Variants in KYNU observed in about 807,000 individuals in gnomAD.
KYNU encodes the protein kynureninase, also known as L-kynurenine hydrolase.
Under a neutral mutation model 59.2 loss-of-function variants are expected in KYNU, and 54 were observed. The observed-to-expected ratio is 0.91, with a 90% confidence interval of 0.73 to 1.14. The LOEUF (loss-of-function observed/expected upper bound fraction) is 1.14, where lower values mean the gene tolerates loss of function less well. KYNU is among the 50% of genes most tolerant of loss of function. The probability of loss-of-function intolerance (pLI) is 0.00; values close to 1 mark genes in which losing one functional copy is unlikely to be tolerated. For synonymous variants in KYNU, 177 were observed against 192.0 expected (o/e 0.92, Z 0.65); for missense variants, 567 against 554.4 (o/e 1.02, Z -0.23).
intron 4 of KYNU, among the ~76,000 whole-genome samples, chr2:142,930,344 T>C (rs1683169315): frequency 1.3e-5 from 2 of 152,334 alleles, no homozygotes; most frequent in South Asian, 4.1e-4. Context: ...CCTTGCCAAC[T>C]TGATGCTGCA....
intron 10 of KYNU, among the ~76,000 whole-genome samples, chr2:143,002,719 A>G (rs745730626): frequency 5.9e-5 from 9 of 152,104 alleles, no homozygotes; most frequent in Non-Finnish European, 1.2e-4. Flanking sequence ...ACATGTTGCT[A>G]TTTTTTTCAT....
At chr2:142,904,349 C>T (rs1435203035) in intron 2 of KYNU, among the ~76,000 whole-genome samples, 1 of 152,180 alleles carries the variant, frequency 6.6e-6, no homozygotes, top group Non-Finnish European at 1.5e-5. Flanking sequence ...TTCTGTGTCC[C>T]AATGAGGGTC....
chr2:142,922,869 T>C (rs1682927783), intron 3 of KYNU, among the ~76,000 whole-genome samples: 1 of 152,230 alleles, frequency 6.6e-6, no homozygotes, highest in African/African-American at 2.4e-5. Context: ...GTCTGGATAA[T>C]TTATAGAGAA....
At chr2:143,023,912 CAA>C (rs979782771) in intron 10 of KYNU, among the ~76,000 whole-genome samples, 5 of 151,218 alleles carry the variant, frequency 3.3e-5, no homozygotes, top group African/African-American at 1.2e-4. Context: ...ACATATTTGT[CAA>C]AGTAATAAAT....
At chr2:143,035,394 C>G (rs926245544) in intron 12 of KYNU, among the ~76,000 whole-genome samples, 8 of 152,310 alleles carry the variant, frequency 5.3e-5, no homozygotes, top group Admixed American at 2.6e-4. Flanking sequence ...GTTAATCAAG[C>G]CTTATGTTGG....
intron 8 of KYNU, among the ~76,000 whole-genome samples, chr2:142,963,135 A>G (rs1237789717): frequency 6.6e-6 from 1 of 152,222 alleles, no homozygotes. Flanking sequence ...GAAGAAACAG[A>G]AATTGTGAAA....
intron 1 of KYNU, among the ~76,000 whole-genome samples, chr2:142,881,917 T>C (rs1681313390): frequency 1.8e-5 from 1 of 56,698 alleles, no homozygotes; most frequent in African/African-American, 5.5e-5. Context: ...TTCTTTTTTC[T>C]TTTTTTTTTT....
In KYNU at chr2:142,989,451, C is replaced by T. The variant is rs541123479; in HGVS notation, c.902+3430C>T. On this transcript the variant is annotated intron_variant, in intron 10 of 13. Coordinates refer to ENST00000264170, the MANE Select transcript of KYNU (RefSeq NM_003937.3). ...GAACAAATGTAACTGCTATTGATGT[C>T]ACACTTTGTGAAGTAGTCTTTGTTG... is the stretch of plus-strand genomic sequence containing the variant. 8.5e-5 allele frequency: 84 copies of T among 984,546 alleles called. No homozygotes were observed. The African/African-American group carries it at 1.3e-3, about 16-fold the overall frequency. 61.0% of individuals were successfully genotyped at this position (984,546 alleles called of 1,614,324 possible).
At chr2:143,038,094 A>G (rs915310469) in intron 12 of KYNU, among the ~76,000 whole-genome samples, 5 of 152,200 alleles carry the variant, frequency 3.3e-5, no homozygotes, top group Admixed American at 6.5e-5. Context: ...TAAAAACTAA[A>G]TGCAAGTAAT....
chr2:142,927,301 T>C (rs1683073843), intron 3 of KYNU, among the ~76,000 whole-genome samples: 1 of 152,170 alleles, frequency 6.6e-6, no homozygotes, highest in Non-Finnish European at 1.5e-5. Context: ...AGTATGGAAG[T>C]TTTAGTATAG....
intron 11 of KYNU, among the ~76,000 whole-genome samples, chr2:143,032,270 T>G (rs1460040447): frequency 6.8e-6 from 1 of 147,556 alleles, no homozygotes; most frequent in East Asian, 2.0e-4. Context: ...AGAGCGAGAC[T>G]CCATCTCAAA....
chr2:142,951,271 A>G (rs1683981167), intron 4 of KYNU, among the ~76,000 whole-genome samples: 1 of 152,178 alleles, frequency 6.6e-6, no homozygotes, highest in Admixed American at 6.5e-5. Flanking sequence ...AACAAACAAA[A>G]GGCCAGGTGT....
rs1687163399 is a variant in KYNU, at chr2:143,046,229, G to A, written c.*4057G>A. 1 of 151,994 alleles carries A rather than the reference G, an allele frequency of 6.6e-6. No individual in the cohort carries two copies. The highest frequency in any genetic ancestry group is 2.4e-5 in the African/African-American group (1 of 41,382). The allele number at this position is 151,994 out of a possible 1,614,324, so 9.4% of individuals were successfully genotyped here. ...TTCTTTAAGTTTTACACCCATGTAT[G>A]TACCCATAAAAATCTATTAGCTAAT... On this transcript the variant is annotated 3_prime_UTR_variant, in exon 14 of 14. Coordinates refer to ENST00000264170, the MANE Select transcript of KYNU (RefSeq NM_003937.3).
chr2:142,972,803 T>G (rs1003003385), intron 8 of KYNU, among the ~76,000 whole-genome samples: 2 of 138,536 alleles, frequency 1.4e-5, no homozygotes, highest in African/African-American at 5.5e-5. Context: ...TATATATATA[T>G]ATATATATAT....
At chr2:142,932,546 A>G (rs1683257286) in intron 4 of KYNU, among the ~76,000 whole-genome samples, 1 of 152,166 alleles carries the variant, frequency 6.6e-6, no homozygotes. Context: ...TGAGAGAGCC[A>G]TTTATGACAG....
At chr2:142,914,946 A>C (rs1240185319) in intron 2 of KYNU, among the ~76,000 whole-genome samples, 1 of 152,186 alleles carries the variant, frequency 6.6e-6, no homozygotes, top group Non-Finnish European at 1.5e-5. Flanking sequence ...GCAGGCTCTA[A>C]GAGCCGGGGC....
Position 143,027,080 on chromosome 2 carries a change from CT to C in KYNU, c.903-2545del, listed in dbSNP as rs2104909845. The stretch of plus-strand genomic sequence containing the variant: ...TGGGCTGTGGTTTCAGGCTTTTCAG[CT>C]TGAGGGTAGGAATTCCTGGGGACCT... On this transcript the variant is annotated intron_variant, in intron 10 of 13. Transcript: ENST00000264170. Among the ~76,000 whole-genome samples the C allele has an allele frequency of 1.3e-5, 2 of 152,278 alleles. 1 individual carries two copies. Among genetic ancestry groups the C allele is most frequent in the Admixed American group, 1.3e-4 (2 of 15,302 alleles).
chr2:142,993,793 A>G (rs1685467787), intron 10 of KYNU, among the ~76,000 whole-genome samples: 1 of 152,070 alleles, frequency 6.6e-6, no homozygotes, highest in Non-Finnish European at 1.5e-5. Flanking sequence ...TAGATCTTAA[A>G]GAAAGCCAAA....
At position 142,906,719 on chromosome 2, in the gene KYNU, G is replaced by T. The variant is rs370311875; in HGVS notation, c.170-11890G>T. ...GGGGCTACACTTTCAAGAAAGTCATGGTTAGGACCCAAGAGGTATGGGTCA... is the reference window on the plus strand; with the variant it reads ...GGGGCTACACTTTCAAGAAAGTCATTGTTAGGACCCAAGAGGTATGGGTCA... On this transcript the variant is annotated intron_variant, in intron 2 of 13. Coordinates refer to ENST00000264170, the MANE Select transcript of KYNU (RefSeq NM_003937.3). 5.3e-5 allele frequency among the ~76,000 whole-genome samples: 8 copies of T among 152,240 alleles called. No individual in the cohort carries two copies. The East Asian group carries it at 1.5e-3, about 29-fold the overall frequency.
Sources: gnomAD v4.1 joint callset for allele counts (sites outside exome capture counted in the v4.1 genomes callset) on GRCh38, gnomAD v4.1.1 for gene constraint, MANE v1.5 for transcripts, NCBI Gene and HGNC (gene_info 2026-07-23, HGNC 2026-07-21) for gene names.